Variants in XKR6 observed in about 807,000 individuals in gnomAD.
XKR6 encodes XK related 6.
Under a neutral mutation model 56.7 loss-of-function variants are expected in XKR6, and 22 were observed. The observed-to-expected ratio is 0.39, with a 90% confidence interval of 0.28 to 0.55. The LOEUF is 0.55. Ranked by LOEUF, XKR6 falls within the 20% of genes least tolerant of loss-of-function variation. The pLI is 0.66. For missense variants in XKR6, 852 were observed against 889.0 expected, an observed-to-expected ratio of 0.96 and a Z score of 0.53; for synonymous variants, 524 against 387.8, an observed-to-expected ratio of 1.35 and a Z score of -4.13.
chr8:10,926,449 G>C (rs1287864069), intron 1 of XKR6, among the ~76,000 whole-genome samples: 2 of 152,240 alleles, frequency 1.3e-5, no homozygotes, highest in South Asian at 2.1e-4. Flanking sequence ...GATCCTGAAG[G>C]CACCCAGCCA....
At chr8:11,074,817 T>G (rs1017389697) in intron 1 of XKR6, among the ~76,000 whole-genome samples, 4 of 152,166 alleles carry the variant, frequency 2.6e-5, no homozygotes, top group African/African-American at 9.7e-5. Context: ...CTGAATGAAG[T>G]TCTCATGCTG....
intron 1 of XKR6, among the ~76,000 whole-genome samples, chr8:11,160,206 A>G (rs1468490614): frequency 6.6e-6 from 1 of 152,206 alleles, no homozygotes; most frequent in Non-Finnish European, 1.5e-5. Flanking sequence ...GAAACAAAAA[A>G]AAAGTAAATT....
At chr8:10,951,830 G>C (rs1369567210) in intron 1 of XKR6, among the ~76,000 whole-genome samples, 1 of 152,166 alleles carries the variant, frequency 6.6e-6, no homozygotes, top group Non-Finnish European at 1.5e-5. Context: ...GCTGGGAGTG[G>C]GGAGCCCGGA....
At chr8:11,151,876 G>A (rs941291572) in intron 1 of XKR6, among the ~76,000 whole-genome samples, 6 of 151,924 alleles carry the variant, frequency 3.9e-5, no homozygotes, top group Non-Finnish European at 7.4e-5. Context: ...CTACAATTTT[G>A]GCTATGTAAA....
intron 1 of XKR6, among the ~76,000 whole-genome samples, chr8:11,101,671 G>C (rs1798489842): frequency 6.6e-6 from 1 of 152,130 alleles, no homozygotes; most frequent in African/African-American, 2.4e-5. Flanking sequence ...GAGAAGTCCT[G>C]GAAGATGGAA....
At chr8:11,162,241 T>G (rs1336175995) in intron 1 of XKR6, among the ~76,000 whole-genome samples, 1 of 152,206 alleles carries the variant, frequency 6.6e-6, no homozygotes, top group African/African-American at 2.4e-5. Context: ...AAGTGGTTGC[T>G]GCCCGTGGGC....
At chr8:11,178,572 A>ATATATATATATATATATG (rs1563197891) in intron 1 of XKR6, among the ~76,000 whole-genome samples, 4 of 140,840 alleles carry the variant, frequency 2.8e-5, no homozygotes, top group Non-Finnish European at 6.1e-5. Flanking sequence ...ATATATATAT[A>ATATATATATATATATATG]TGTATATATA....
At chr8:11,099,531 A>T (rs1688689130) in intron 1 of XKR6, among the ~76,000 whole-genome samples, 1 of 152,206 alleles carries the variant, frequency 6.6e-6, no homozygotes, top group Non-Finnish European at 1.5e-5. Context: ...CTCCTCTCTT[A>T]CAGTCGCTGG....
At chr8:11,098,802 G>C (rs562781910) in intron 1 of XKR6, among the ~76,000 whole-genome samples, 1 of 152,122 alleles carries the variant, frequency 6.6e-6, no homozygotes, top group Non-Finnish European at 1.5e-5. Flanking sequence ...ACTTTCTTTT[G>C]AATCTTAAGT....
chr8:10,976,861 C>A (rs939118417), intron 1 of XKR6, among the ~76,000 whole-genome samples: 13 of 152,110 alleles, frequency 8.5e-5, no homozygotes, highest in African/African-American at 3.1e-4. Flanking sequence ...TGAAAGAAAA[C>A]ATCTGGCTGC....
chr8:11,106,532 A>C (rs1449010486), intron 1 of XKR6: 1 of 152,322 alleles, frequency 6.6e-6, no homozygotes. Flanking sequence ...ACTGTCATCC[A>C]AACAACTGAA....
chr8:10,978,532 C>A (rs1397203761), intron 1 of XKR6, among the ~76,000 whole-genome samples: 1 of 152,138 alleles, frequency 6.6e-6, no homozygotes, highest in South Asian at 2.1e-4. Context: ...ATCACTTGGG[C>A]TTTTTATTAG....
At chr8:10,999,285 T>C (rs992488357) in intron 1 of XKR6, among the ~76,000 whole-genome samples, 2 of 152,236 alleles carry the variant, frequency 1.3e-5, no homozygotes, top group African/African-American at 2.4e-5. Flanking sequence ...ACCTCTTGCA[T>C]GAAAATACTG....
At chr8:11,146,942 T>G (rs1801014683) in intron 1 of XKR6, among the ~76,000 whole-genome samples, 1 of 151,290 alleles carries the variant, frequency 6.6e-6, no homozygotes, top group Non-Finnish European at 1.5e-5. Flanking sequence ...AGAAACAGAG[T>G]AGAATGGTAG....
At chr8:11,112,537 T>A (rs967761250) in intron 1 of XKR6, among the ~76,000 whole-genome samples, 4 of 152,344 alleles carry the variant, frequency 2.6e-5, no homozygotes, top group African/African-American at 9.6e-5. Context: ...ACATTTACTA[T>A]AGGCTTAAAG....
intron 1 of XKR6, among the ~76,000 whole-genome samples, chr8:11,066,380 T>G (rs762337038): frequency 6.6e-6 from 1 of 152,266 alleles, no homozygotes; most frequent in Non-Finnish European, 1.5e-5. Context: ...TGGTGAAACA[T>G]TGTCTGTTCT....
intron 1 of XKR6, among the ~76,000 whole-genome samples, chr8:11,140,759 A>T (rs891421052): frequency 3.3e-5 from 5 of 151,938 alleles, no homozygotes; most frequent in Admixed American, 6.6e-5. Flanking sequence ...TTAGCCAGGC[A>T]TGGTGGTGGG....
intron 1 of XKR6, among the ~76,000 whole-genome samples, chr8:11,142,847 T>G (rs1196371426): frequency 6.6e-6 from 1 of 152,184 alleles, no homozygotes; most frequent in African/African-American, 2.4e-5. Flanking sequence ...TCAATGAGGA[T>G]GAGAATGACA....
chr8:10,903,179 C>T lies in XKR6; in HGVS notation c.962-4263G>A, dbSNP rs146571949. On this transcript the variant is annotated intron_variant, in intron 2 of 2. Coordinates refer to ENST00000416569, the MANE Select transcript of XKR6 (RefSeq NM_173683.4). ...CTGGACCTGTCTGTGACATTGTCTA[C>T]GTCGTTATGTTTGGCCAAGGGACCA... is the stretch of plus-strand genomic sequence containing the variant. Among the ~76,000 whole-genome samples the T allele has an allele frequency of 2.0e-3, 298 of 152,312 alleles. 1 individual carries two copies. Among genetic ancestry groups the T allele is most frequent in the Middle Eastern group, 3.4e-3 (1 of 294 alleles).
Sources: allele counts gnomAD v4.1 joint callset (sites outside exome capture counted in the v4.1 genomes callset), GRCh38; gene constraint gnomAD v4.1.1; transcripts MANE v1.5; gene names NCBI Gene and HGNC (gene_info 2026-07-23, HGNC 2026-07-21).